XRCC3: variants seen among roughly 807,000 people sequenced by gnomAD.
XRCC3 encodes the protein X-ray repair cross complementing 3.
In XRCC3, 34 loss-of-function variants were observed where a neutral mutation model predicts 29.2. That is an observed-to-expected ratio of 1.16 (90% CI 0.88 to 1.55). XRCC3 has a LOEUF of 1.55. XRCC3 is among the 40% of genes most tolerant of loss of function. The pLI, the probability that XRCC3 is intolerant of heterozygous loss-of-function variation, is 0.00. For synonymous variants in XRCC3, 223 were observed against 211.3 expected, an observed-to-expected ratio of 1.06 and a Z score of -0.48; for missense variants, 463 against 467.6, an observed-to-expected ratio of 0.99 and a Z score of 0.09.
intron 5 of XRCC3, chr14:103,707,650 G>A (rs993656493): frequency 3.6e-6 from 1 of 281,006 alleles, no homozygotes; most frequent in Non-Finnish European, 6.9e-6. Flanking sequence ...ACCACATGCC[G>A]TCAGTTCTCT....
At chr14:103,702,347 G>C (rs760784307) in intron 7 of XRCC3, 1 of 152,362 alleles carries the variant, frequency 6.6e-6, no homozygotes, top group Non-Finnish European at 1.5e-5. Context: ...TGGAGCCCCT[G>C]TGCCCCTAGT....
intron 6 of XRCC3, chr14:103,706,587 A>G (rs983183812): frequency 1.3e-5 from 5 of 375,358 alleles, no homozygotes; most frequent in African/African-American, 2.1e-5. Context: ...CAGAGCGTAC[A>G]GGCTCACGGG....
At position 103,699,517 on chromosome 14, in the gene XRCC3, A is replaced by G; in HGVS notation, c.621T>C (p.Ala207=). ...CCACCGAGTCGATGACCACCAGGCG[A>G]GCCATGCCCCGAGACAGCAGTACGG... is the stretch of plus-strand genomic sequence containing the variant. ...KVPVLLSRGM[A]RLVVIDSVAA... is the part of the protein sequence containing the mutation. The change falls in exon 8 of 10, where the codon GCT becomes GCC. Residue 207 remains alanine, a synonymous_variant. Coordinates refer to ENST00000555055, the MANE Select transcript of XRCC3 (RefSeq NM_005432.4). 1.2e-6 allele frequency: 2 copies of G among 1,613,246 alleles called. No homozygotes were observed. Among genetic ancestry groups the G allele is most frequent in the Non-Finnish European group, 1.7e-6 (2 of 1,179,946 alleles).
intron 7 of XRCC3, chr14:103,702,958 G>C (rs2083284309): frequency 1.4e-6 from 1 of 713,304 alleles, no homozygotes; most frequent in Admixed American, 2.7e-5. Context: ...GCTTTAGCCA[G>C]AATTCCCTCC....
rs2082917347 is a variant in XRCC3, at chr14:103,699,452, G to T, written c.686C>A (p.Ala229Asp). 1 of 1,612,854 alleles carries T rather than the reference G, an allele frequency of 6.2e-7. No homozygotes were observed. The highest frequency in any genetic ancestry group is 8.5e-7 in the Non-Finnish European group (1 of 1,179,960). ...GGACTGCAGATGCCTGGCCCTGGGG[G>T]CGGAGGCCTGGCTGTCAAATTCACA... ...FRCEFDSQAS[A>D]PRARHLQSLG... Residue 229 changes from alanine (A) to aspartate (D), a missense_variant, in exon 8 of 10, where the codon GCC (alanine) becomes GAC (aspartate). Physicochemically the swap from Ala to Asp is moderately radical, Grantham distance 126 (BLOSUM62 -2). Transcript: ENST00000555055.
rs35341122 is a variant in XRCC3, at chr14:103,703,568, C to T, written c.407-241G>A. Reference sequence around the variant, plus strand: ...TGGGTCTCCACTTCTGACACCCAGGCAAGGACTTCCCCTGTCCTGGGCCCT... The same window carrying T: ...TGGGTCTCCACTTCTGACACCCAGGTAAGGACTTCCCCTGTCCTGGGCCCT... On this transcript the variant is annotated intron_variant, in intron 6 of 9. Transcript: ENST00000555055. The T allele has an allele frequency of 3.1e-3, 1,714 of 550,774 alleles. 9 individuals are homozygous for T. In the Middle Eastern group the frequency reaches 0.032, roughly 10 times the overall value. 34.1% of individuals were successfully genotyped at this position (550,774 alleles called of 1,614,324 possible).
At chr14:103,702,826 T>G (rs1302277503) in intron 7 of XRCC3, 3 of 327,640 alleles carry the variant, frequency 9.2e-6, no homozygotes, top group Non-Finnish European at 1.2e-5. Flanking sequence ...CCTGCTGAGA[T>G]TGTAGCAGGA....
chr14:103,701,232 A>ACTGC lies in XRCC3; in HGVS notation c.562-1660_562-1657dup, dbSNP rs1391009578. 1.9e-6 allele frequency: 3 copies of ACTGC among 1,549,220 alleles called. No homozygotes were observed. In the African/African-American group the frequency reaches 4.1e-5, roughly 21 times the overall value. On this transcript the variant is annotated intron_variant, in intron 7 of 9. Coordinates refer to ENST00000555055, the MANE Select transcript of XRCC3 (RefSeq NM_005432.4). ...CGACCTGGCCCCGCTCCAGGATGGG[A>ACTGC]CTGCCGAGTGTGGCCCGGAGCTGGC...
Position 103,700,801 on chromosome 14 carries a change from G to T in XRCC3, c.562-1225C>A, listed in dbSNP as rs1400747563. 4.1e-6 allele frequency: 5 copies of T among 1,228,982 alleles called. No homozygotes were observed. In the Admixed American group the frequency reaches 1.2e-4, roughly 30 times the overall value. 76.1% of individuals were successfully genotyped at this position (1,228,982 alleles called of 1,614,324 possible). On this transcript the variant is annotated intron_variant, in intron 7 of 9. Transcript: ENST00000555055. ...AGGGACTTTGCACATGCAGGGACTG[G>T]GGGGAGCTGGGGATGGGCAAGTGGT...
At position 103,699,472 on chromosome 14, in the gene XRCC3, T is replaced by A. The variant is rs368831796; in HGVS notation, c.666A>T (p.Glu222Asp). ...TGGGGGCGGAGGCCTGGCTGTCAAA[T>A]TCACAGCGGAATGGGGCTGCCACCG... ...IDSVAAPFRC[E>D]FDSQASAPRA... The change falls in exon 8 of 10, where the codon GAA becomes GAT. Residue 222 changes from glutamate (E) to aspartate (D), a missense_variant. Glu to Asp is a conservative substitution (Grantham distance 45). Transcript: ENST00000555055. 10 of 1,612,728 alleles carry A rather than the reference T, an allele frequency of 6.2e-6. No individual in the cohort carries two copies. The highest frequency in any genetic ancestry group is 8.5e-6 in the Non-Finnish European group (10 of 1,179,964).
intron 5 of XRCC3, chr14:103,707,486 C>G (rs3212054): frequency 1.8e-6 from 1 of 545,428 alleles, no homozygotes; most frequent in African/African-American, 1.9e-5. Flanking sequence ...CAGCACCAGA[C>G]GCCTTCAGCC....
intron 5 of XRCC3, 169 bp downstream of exon 5, chr14:103,708,353 G>A: frequency 2.0e-6 from 2 of 1,006,168 alleles, no homozygotes; most frequent in Non-Finnish European, 3.0e-6. Context: ...TGTGACCACA[G>A]CCCCATGGGT....
intron 7 of XRCC3, chr14:103,701,335 A>G (rs2083183216): frequency 1.1e-6 from 1 of 909,532 alleles, no homozygotes; most frequent in Non-Finnish European, 1.7e-6. Context: ...GTCTGTGTGC[A>G]TAGGACATGA....
Position 103,703,312 on chromosome 14 carries a change from C to A in XRCC3, c.422G>T (p.Cys141Phe), listed in dbSNP as rs2151931512. ...CTTGTGCGGGAAGGCGTCTTCCGTG[C>A]AGATGTAGACGGCTCCTGGGAAGCA... Reference protein sequence around the residue: ...GGLEAGAVYICTEDAFPHKRL... With the variant: ...GGLEAGAVYIFTEDAFPHKRL... Residue 141 changes from cysteine (C) to phenylalanine (F), a missense_variant, in exon 7 of 10, where the codon TGC (cysteine) becomes TTC (phenylalanine). Physicochemically the swap from Cys to Phe is radical, Grantham distance 205 (BLOSUM62 -2). Coordinates refer to ENST00000555055, the MANE Select transcript of XRCC3 (RefSeq NM_005432.4). The A allele has an allele frequency of 6.4e-7, 1 of 1,552,186 alleles. No homozygotes were observed. The highest frequency in any genetic ancestry group is 8.7e-7 in the Non-Finnish European group (1 of 1,151,694).
chr14:103,712,736 T>TG (rs2083678127), intron 2 of XRCC3, 139 bp downstream of exon 2: 1 of 152,330 alleles, frequency 6.6e-6, no homozygotes, highest in Admixed American at 6.5e-5. Context: ...ATACAAAACT[T>TG]GGACTGTGTC....
rs563566781 is a variant in XRCC3 at position 103,706,308 on chromosome 14, G to A, written c.406+695C>T. ...CCTGTGGGTCCAGGGCCTGGGGTCC[G>A]GCCCTGTGTGGGAAGTGAGCCTAGC... On this transcript the variant is annotated intron_variant, in intron 6 of 9. Transcript: ENST00000555055. 8.8e-4 allele frequency: 400 copies of A among 455,526 alleles called. 5 individuals are homozygous for A. Among genetic ancestry groups the A allele is most frequent in the South Asian group, 5.6e-3 (363 of 64,562 alleles). The allele number at this position is 455,526 out of a possible 1,614,324, so 28.2% of individuals were successfully genotyped here.
At position 103,701,402 on chromosome 14, in the gene XRCC3, G is replaced by A. The variant is rs2083186246; in HGVS notation, c.561+1771C>T. 4 of 530,460 alleles carry A rather than the reference G, an allele frequency of 7.5e-6. No homozygotes were observed. In the East Asian group the frequency reaches 1.2e-4, roughly 16 times the overall value. The allele number at this position is 530,460 out of a possible 1,614,324, so 32.9% of individuals were successfully genotyped here. A position where few individuals can be genotyped will look rare whatever the true frequency, so the allele number is the denominator to read the frequency against. On this transcript the variant is annotated intron_variant, in intron 7 of 9. Transcript: ENST00000555055. ...GGGCTGGGGCTGGGCCTAAGCTGGTGCCCTGGTGCGGCGTGGTCTCTCCCA... is the reference window on the plus strand; with the variant it reads ...GGGCTGGGGCTGGGCCTAAGCTGGTACCCTGGTGCGGCGTGGTCTCTCCCA...
chr14:103,707,228 G>T lies in XRCC3; in HGVS notation c.194-13C>A. 6.5e-7 allele frequency: 1 copy of T among 1,548,390 alleles called. No individual in the cohort carries two copies. Among genetic ancestry groups the T allele is most frequent in the Non-Finnish European group, 8.7e-7 (1 of 1,146,634 alleles). On this transcript the variant is annotated splice_polypyrimidine_tract_variant and intron_variant, in intron 5 of 9. Coordinates refer to ENST00000555055, the MANE Select transcript of XRCC3 (RefSeq NM_005432.4). ...TGCAGCTGCAGTGCTAAAGGGCAGGGATAGTGTCAGGCCTGACTCTCCTGG... is the reference window on the plus strand; with the variant it reads ...TGCAGCTGCAGTGCTAAAGGGCAGGTATAGTGTCAGGCCTGACTCTCCTGG...
At position 103,703,191 on chromosome 14, in the gene XRCC3, G is replaced by A. The variant is rs373040437; in HGVS notation, c.543C>T (p.Ile181=). ...QKLRFGSQIF[I]EHVADVDTLL... is the part of the protein sequence containing the mutation. Reference sequence around the variant, plus strand: ...CACTCACCACATCGGCCACGTGCTCGATGAAGATCTGGCTGCCAAATCGGA... The same window carrying A: ...CACTCACCACATCGGCCACGTGCTCAATGAAGATCTGGCTGCCAAATCGGA... The change falls in exon 7 of 10, where the codon ATC becomes ATT. Residue 181 remains isoleucine, a synonymous_variant. Transcript: ENST00000555055. The A allele has an allele frequency of 1.6e-4, 254 of 1,572,310 alleles. No homozygotes were observed. The highest frequency in any genetic ancestry group is 1.5e-4 in the South Asian group (13 of 86,390).
Sources: allele counts gnomAD v4.1 joint callset, GRCh38; gene constraint gnomAD v4.1.1; transcripts MANE v1.5; gene names NCBI Gene and HGNC (gene_info 2026-07-23, HGNC 2026-07-21).